Variants in EVC2 observed in about 807,000 individuals in gnomAD.
The protein encoded by EVC2 is EvC ciliary complex subunit 2.
In EVC2, 148 loss-of-function variants were observed where a neutral mutation model predicts 149.3. The ratio of observed to expected loss-of-function variants is 0.99; its 90% CI spans 0.87 to 1.14. The LOEUF (loss-of-function observed/expected upper bound fraction) is 1.14. Among genes scored for constraint, EVC2 ranks in the 50% most tolerant of loss-of-function variants. The pLI is 0.00. For missense variants in EVC2, 1,854 were observed against 1,627.3 expected (o/e 1.14, Z -2.40); for synonymous variants, 776 against 649.9 (o/e 1.19, Z -2.95).
In EVC2 at chr4:5,696,407, C is replaced by G. The variant is rs913263569; in HGVS notation, c.283+1186G>C. 6.6e-6 allele frequency among the ~76,000 whole-genome samples: 1 copy of G among 152,152 alleles called. No individual in the cohort carries two copies. ...CCCGAATCCCAGCCCATCCCATTCC[C>G]CAGGACACCAGAGTTAGGCACAGAA... is the stretch of plus-strand genomic sequence containing the variant. On this transcript the variant is annotated intron_variant, in intron 2 of 21. Coordinates refer to ENST00000344408, the MANE Select transcript of EVC2 (RefSeq NM_147127.5). This position sits in a 1 kb window ranked among gnomAD's most constrained non-coding sequence, Gnocchi z 4.1.
At chr4:5,582,165 A>T (rs1010073691) in intron 17 of EVC2, among the ~76,000 whole-genome samples, 1 of 152,190 alleles carries the variant, frequency 6.6e-6, no homozygotes, top group Non-Finnish European at 1.5e-5. Context: ...AGCTGTGATA[A>T]GGGGGCTGCT....
chr4:5,562,581 G>A lies in EVC2; in HGVS notation c.*267C>T. 7.4e-7 allele frequency: 1 copy of A among 1,360,216 alleles called. No homozygotes were observed. Among genetic ancestry groups the A allele is most frequent in the South Asian group, 1.5e-5 (1 of 64,760 alleles). 84.3% of individuals were successfully genotyped at this position (1,360,216 alleles called of 1,614,324 possible). On this transcript the variant is annotated 3_prime_UTR_variant, in exon 22 of 22. Coordinates refer to ENST00000344408, the MANE Select transcript of EVC2 (RefSeq NM_147127.5). The surrounding 1 kb of genome is among the most constrained non-coding windows in gnomAD (Gnocchi z 4.3). ...CAGAGGATGGGGTGTGGATTGCAGG[G>A]TGGGGGTCTCCTCCAGGGCCCTGGG... is the stretch of plus-strand genomic sequence containing the variant.
In EVC2 at chr4:5,626,752, T is replaced by C. The variant is rs1049846660; in HGVS notation, c.1887-844A>G. 2.6e-5 allele frequency among the ~76,000 whole-genome samples: 4 copies of C among 152,174 alleles called. No individual in the cohort carries two copies. In the East Asian group the frequency reaches 7.7e-4, roughly 29 times the overall value. On this transcript the variant is annotated intron_variant, in intron 12 of 21. Transcript: ENST00000344408. ...CATGAGCGGGCATCATCCAATATGC[T>C]GAGGTCCTGAATAGAACACAGAGGC...
At chr4:5,568,020 C>A (rs757798215) in intron 20 of EVC2, among the ~76,000 whole-genome samples, 1 of 152,190 alleles carries the variant, frequency 6.6e-6, no homozygotes, top group Non-Finnish European at 1.5e-5. Flanking sequence ...TCACTCCACA[C>A]TCGACACACA....
intron 6 of EVC2, among the ~76,000 whole-genome samples, chr4:5,683,093 G>A (rs1033212901): frequency 3.9e-5 from 6 of 152,202 alleles, no homozygotes; most frequent in African/African-American, 1.2e-4. Flanking sequence ...ACCTCATGGA[G>A]GCTTCAGCGA....
Position 5,637,913 on chromosome 4 carries a change from T to C in EVC2, c.1470+2601A>G, listed in dbSNP as rs1318667023. On this transcript the variant is annotated intron_variant, in intron 10 of 21. Coordinates refer to ENST00000344408, the MANE Select transcript of EVC2 (RefSeq NM_147127.5). The surrounding 1 kb of genome is among the most constrained non-coding windows in gnomAD (Gnocchi z 4.4). ...AGAGTTTGTCACCTGAGGTCTCTGT[T>C]ATGTATTCTTGTTTGTGTATTTGAT... Among the ~76,000 whole-genome samples, 1 of 152,040 alleles carries C rather than the reference T, an allele frequency of 6.6e-6. No individual in the cohort carries two copies. The highest frequency in any genetic ancestry group is 1.5e-5 in the Non-Finnish European group (1 of 68,006).
chr4:5,704,405 G>A (rs976020902), intron 1 of EVC2, among the ~76,000 whole-genome samples: 12 of 152,170 alleles, frequency 7.9e-5, no homozygotes, highest in African/African-American at 2.9e-4. Flanking sequence ...CTGACAGGAA[G>A]GGAGGCAAGG....
rs952316338 is a variant in EVC2, at chr4:5,686,560, T to C, written c.707-1081A>G. On this transcript the variant is annotated intron_variant, in intron 5 of 21. Coordinates refer to ENST00000344408, the MANE Select transcript of EVC2 (RefSeq NM_147127.5). The surrounding 1 kb of genome is among the most constrained non-coding windows in gnomAD (Gnocchi z 5.4). ...GATGGATGGAGAACACGTGATTTTC[T>C]GCAACATACAGAAGAAGAAACTGAA... 6.6e-6 allele frequency among the ~76,000 whole-genome samples: 1 copy of C among 152,068 alleles called. No individual in the cohort carries two copies. Among genetic ancestry groups the C allele is most frequent in the African/African-American group, 2.4e-5 (1 of 41,408 alleles).
intron 9 of EVC2, among the ~76,000 whole-genome samples, chr4:5,662,512 TA>T (rs1254079551): frequency 1.4e-5 from 2 of 141,404 alleles, no homozygotes; most frequent in Non-Finnish European, 3.0e-5. Context: ...ATATTAAATA[TA>T]ATATTAATAT....
At chr4:5,541,816 C>T (rs537828314), downstream of EVC2, among the ~76,000 whole-genome samples, 4 of 152,274 alleles carry the variant, frequency 2.6e-5, no homozygotes, top group East Asian at 3.9e-4. Flanking sequence ...AGTTACATGG[C>T]GGGGCCTGTT....
At chr4:5,599,139 C>A (rs1285825308) in intron 16 of EVC2, among the ~76,000 whole-genome samples, 1 of 151,804 alleles carries the variant, frequency 6.6e-6, no homozygotes, top group Non-Finnish European at 1.5e-5. Flanking sequence ...TAAACTAGTT[C>A]AACCATTGTG....
chr4:5,661,731 T>C (rs1048829214), intron 9 of EVC2, among the ~76,000 whole-genome samples: 3 of 152,346 alleles, frequency 2.0e-5, no homozygotes, highest in Non-Finnish European at 2.9e-5. Flanking sequence ...CTGTGACCCA[T>C]GTGTCCATCC....
chr4:5,540,767 T>C (rs1220637115), downstream of EVC2, among the ~76,000 whole-genome samples: 1 of 152,188 alleles, frequency 6.6e-6, no homozygotes, highest in African/African-American at 2.4e-5. Context: ...ATATCCATAT[T>C]TCAAAGCACA....
intron 1 of EVC2, among the ~76,000 whole-genome samples, chr4:5,699,969 T>TTA (rs1721726154): frequency 6.6e-6 from 1 of 151,868 alleles, no homozygotes; most frequent in Non-Finnish European, 1.5e-5. Context: ...GGTGAAACCC[T>TTA]GCCTCTACTA....
chr4:5,566,834 A>G (rs6446376), intron 20 of EVC2, among the ~76,000 whole-genome samples: 141,590 of 152,102 alleles, frequency 0.93, 66,340 homozygotes, highest in Non-Finnish European at 0.99. Flanking sequence ...GTAGGCAGGC[A>G]GAAGTGGCCT....
chr4:5,627,657 G>C (rs1005955136), intron 12 of EVC2, among the ~76,000 whole-genome samples: 7 of 152,152 alleles, frequency 4.6e-5, no homozygotes, highest in Non-Finnish European at 1.0e-4. Flanking sequence ...TCACCTCAAA[G>C]AATAGCTGAG....
At chr4:5,610,878 A>G (rs3796404) in intron 16 of EVC2, among the ~76,000 whole-genome samples, 66,851 of 149,204 alleles carry the variant, frequency 0.45, 18,606 homozygotes, top group African/African-American at 0.79. Context: ...TAGGATGGGT[A>G]AGCTGGAAAG....
At chr4:5,638,385 T>C (rs1198148847) in intron 10 of EVC2, among the ~76,000 whole-genome samples, 1 of 138,402 alleles carries the variant, frequency 7.2e-6, no homozygotes, top group African/African-American at 2.8e-5. Flanking sequence ...TGAGACTCTA[T>C]CTCAAAAAAC....
the EVC2 span, among the ~76,000 whole-genome samples, chr4:5,535,864 T>C: frequency 0.12 from 18,698 of 152,084 alleles, 1,213 homozygotes; most frequent in South Asian, 0.26. The surrounding 1 kb of genome is among the most constrained non-coding windows in gnomAD (Gnocchi z 4.7). Context: ...AGGCCAGATA[T>C]ACCAAAAACA....
Sources: gnomAD v4.1 joint callset for allele counts (sites outside exome capture counted in the v4.1 genomes callset) on GRCh38, gnomAD v4.1.1 for gene constraint, Gnocchi (gnomAD v3.1) non-coding constraint, MANE v1.5 for transcripts, NCBI Gene and HGNC (gene_info 2026-07-23, HGNC 2026-07-21) for gene names.